The following NCAPH variants were observed in gnomAD, a reference collection of about 807,000 sequenced individuals.
The protein encoded by NCAPH is condensin complex subunit 2.
Under a neutral mutation model 85.5 loss-of-function variants are expected in NCAPH, and 38 were observed. The ratio of observed to expected loss-of-function variants is 0.44; its 90% CI spans 0.34 to 0.58. NCAPH has a LOEUF of 0.58. NCAPH is among the 20% of genes least tolerant of loss of function. The pLI, the probability that NCAPH is intolerant of heterozygous loss-of-function variation, is 0.01. For synonymous variants in NCAPH, 301 were observed against 335.1 expected (o/e 0.90, Z 1.11); for missense variants, 789 against 916.6 (o/e 0.86, Z 1.80).
rs1236669201 is a variant in NCAPH at position 96,344,167 on chromosome 2, C to A, written c.658C>A (p.His220Asn). Residue 220 changes from histidine to asparagine, a missense_variant, in exon 6 of 18, where the codon CAC (histidine) becomes AAC (asparagine). Coordinates refer to ENST00000240423, the MANE Select transcript of NCAPH (RefSeq NM_015341.5). ...KAVKPKKKHL[H>N]RTIEQNINNL... is the part of the protein sequence containing the mutation. ...TGTAAAGCCAAAGAAGAAGCACTTACACAGAACTATTGAGCAGAACATAAA... is the reference window on the plus strand; with the variant it reads ...TGTAAAGCCAAAGAAGAAGCACTTAAACAGAACTATTGAGCAGAACATAAA... 1.4e-5 allele frequency: 22 copies of A among 1,613,710 alleles called. No individual in the cohort carries two copies. Among genetic ancestry groups the A allele is most frequent in the Non-Finnish European group, 1.9e-5 (22 of 1,179,916 alleles).
chr2:96,367,383 T>C lies in NCAPH; in HGVS notation c.1998+10T>C. The C allele has an allele frequency of 6.3e-7, 1 of 1,592,736 alleles. No homozygotes were observed. Among genetic ancestry groups the C allele is most frequent in the Non-Finnish European group, 8.6e-7 (1 of 1,161,160 alleles). On this transcript the variant is annotated intron_variant, in intron 15 of 17. Transcript: ENST00000240423. ...GGAGGCAGATGCAGAGGTCAGATGCTCTTGCCTGTTCTCTAGGTGCCCAGC... is the reference window on the plus strand; with the variant it reads ...GGAGGCAGATGCAGAGGTCAGATGCCCTTGCCTGTTCTCTAGGTGCCCAGC...
intron 7 of NCAPH, 44 bp from the exon 8 acceptor site, chr2:96,353,262 G>C (rs757580442): frequency 6.6e-7 from 1 of 1,512,498 alleles, no homozygotes; most frequent in Non-Finnish European, 9.2e-7. Flanking sequence ...GAATGCACTT[G>C]ACCCCCTTCT....
rs374852184 is a variant in NCAPH, at chr2:96,341,787, T to C, written c.165T>C (p.Phe55=). The C allele has an allele frequency of 1.3e-4, 213 of 1,614,028 alleles. No individual in the cohort carries two copies. The highest frequency in any genetic ancestry group is 1.7e-4 in the Non-Finnish European group (201 of 1,180,026). ...CTGGCACCCCAGTCCTCGAAGACTT[T>C]CCTCAGAATGACGATGAGAAGGAGC... ...NIPGTPVLED[F]PQNDDEKERL... The change falls in exon 2 of 18, where the codon TTT becomes TTC. Residue 55 remains phenylalanine (F), a synonymous_variant. Transcript: ENST00000240423.
intron 5 of NCAPH, 127 bp downstream of exon 5, chr2:96,343,431 T>A (rs2064322355): frequency 8.7e-7 from 1 of 1,153,202 alleles, no homozygotes; most frequent in South Asian, 2.0e-5. Flanking sequence ...AGGGCATTTT[T>A]AGAACCATAT....
intron 10 of NCAPH, among the ~76,000 whole-genome samples, chr2:96,359,794 T>G (rs969446566): frequency 6.6e-6 from 1 of 152,186 alleles, no homozygotes; most frequent in Non-Finnish European, 1.5e-5. Flanking sequence ...CAGTTAATTT[T>G]TAAATTTTCC....
At chr2:96,352,949 G>A (rs2064465758) in intron 7 of NCAPH, among the ~76,000 whole-genome samples, 1 of 152,194 alleles carries the variant, frequency 6.6e-6, no homozygotes, top group Non-Finnish European at 1.5e-5. Context: ...CTATGTACTT[G>A]GTGTATTTTT....
chr2:96,353,112 C>T (rs572037963), intron 7 of NCAPH, among the ~76,000 whole-genome samples, 194 bp from the exon 8 acceptor site: 1 of 152,362 alleles, frequency 6.6e-6, no homozygotes, highest in South Asian at 2.1e-4. Context: ...GCCGACGCAT[C>T]TGCTCGCTCC....
At chr2:96,354,491 T>G in intron 9 of NCAPH, 103 bp downstream of exon 9, 2 of 997,252 alleles carry the variant, frequency 2.0e-6, no homozygotes, top group Non-Finnish European at 1.3e-6. Context: ...TCTTTTTTTT[T>G]CCCCCCCCAA....
rs748147996 is a variant in NCAPH at position 96,342,101 on chromosome 2, G to A, written c.324G>A (p.Thr108=). The change falls in exon 3 of 18, where the codon ACG becomes ACA. Residue 108 remains threonine (T), a synonymous_variant. Transcript: ENST00000240423. ...CCAAGTTTACAAACACGCAGATTAC[G>A]GAACATTACTCCACCTGTATCAAAC... ...TIPKFTNTQI[T]EHYSTCIKLS... is the part of the protein sequence containing the mutation. The A allele has an allele frequency of 2.5e-5, 40 of 1,612,768 alleles. No individual in the cohort carries two copies. Among genetic ancestry groups the A allele is most frequent in the Non-Finnish European group, 3.1e-5 (37 of 1,178,906 alleles).
At chr2:96,364,657 T>G (rs1320634881) in intron 13 of NCAPH, 66 bp downstream of exon 13, 26 of 1,138,746 alleles carry the variant, frequency 2.3e-5, no homozygotes, top group Non-Finnish European at 5.2e-6. Flanking sequence ...CTGCTTCTCA[T>G]GTCCCCATTT....
rs1008835787 is a variant in NCAPH, at chr2:96,335,975, G to T, written c.19+127G>T. On this transcript the variant is annotated intron_variant, in intron 1 of 17. Coordinates refer to ENST00000240423, the MANE Select transcript of NCAPH (RefSeq NM_015341.5). Reference sequence around the variant, plus strand: ...TGCTCAGCTCGGGTCTTGGCCCTGCGGCTGACAGCAGAGGCCGGTGCGGGG... The same window carrying T: ...TGCTCAGCTCGGGTCTTGGCCCTGCTGCTGACAGCAGAGGCCGGTGCGGGG... 1.1e-5 allele frequency: 12 copies of T among 1,056,598 alleles called. No homozygotes were observed. In the African/African-American group the frequency reaches 1.8e-4, roughly 16 times the overall value. The allele number at this position is 1,056,598 out of a possible 1,614,324, so 65.5% of individuals were successfully genotyped here.
chr2:96,351,264 A>G (rs1240993160), intron 6 of NCAPH, among the ~76,000 whole-genome samples: 1 of 152,250 alleles, frequency 6.6e-6, no homozygotes, highest in Non-Finnish European at 1.5e-5. Context: ...TAAAAAAGCC[A>G]TTTGACACAG....
chr2:96,341,597 G>A (rs947452279), intron 1 of NCAPH, 45 bp from the exon 2 acceptor site: 1 of 1,587,186 alleles, frequency 6.3e-7, no homozygotes, highest in Non-Finnish European at 8.6e-7. Flanking sequence ...TTTGGATATA[G>A]GAAATGTTCT....
At chr2:96,337,037 A>AT (rs1247881824) in intron 1 of NCAPH, among the ~76,000 whole-genome samples, 2 of 152,230 alleles carry the variant, frequency 1.3e-5, no homozygotes, top group Admixed American at 6.5e-5. Context: ...GATAGTTCTC[A>AT]TGAAGTTGGA....
intron 17 of NCAPH, among the ~76,000 whole-genome samples, chr2:96,372,701 G>A (rs1211600559): frequency 1.3e-5 from 2 of 152,092 alleles, no homozygotes; most frequent in East Asian, 3.8e-4. Flanking sequence ...TGGTGGTACT[G>A]CAGTGCTTGT....
chr2:96,343,310 T>C lies in NCAPH; in HGVS notation c.595+6T>C. On this transcript the variant is annotated splice_donor_region_variant and intron_variant, in intron 5 of 17. Coordinates refer to ENST00000240423, the MANE Select transcript of NCAPH (RefSeq NM_015341.5). Reference sequence around the variant, plus strand: ...AGTAGAAGGCCATGTTGCTGGTAGGTGGGTAGGGATCTGGATTTAAGTGGC... The same window carrying C: ...AGTAGAAGGCCATGTTGCTGGTAGGCGGGTAGGGATCTGGATTTAAGTGGC... 4 of 1,611,130 alleles carry C rather than the reference T, an allele frequency of 2.5e-6. No homozygotes were observed. Among genetic ancestry groups the C allele is most frequent in the Non-Finnish European group, 3.4e-6 (4 of 1,178,350 alleles).
chr2:96,340,895 C>T (rs1376462466), intron 1 of NCAPH, among the ~76,000 whole-genome samples: 4 of 147,198 alleles, frequency 2.7e-5, no homozygotes, highest in Non-Finnish European at 4.5e-5. Context: ...TTAACTTGTT[C>T]CTTGACCCCT....
In NCAPH at chr2:96,376,033, G is replaced by A. The variant is rs558078083; in HGVS notation, c.*2682G>A. On this transcript the variant is annotated 3_prime_UTR_variant, in exon 18 of 18. Transcript: ENST00000240423. ...TCCTTTGTCAGTTACCCAGTTTCAG[G>A]TATTCTGTTATAGGTAACAGAAAAC... Among the ~76,000 whole-genome samples, 18 of 152,218 alleles carry A rather than the reference G, an allele frequency of 1.2e-4. No homozygotes were observed. Among genetic ancestry groups the A allele is most frequent in the Non-Finnish European group, 1.6e-4 (11 of 68,014 alleles).
At chr2:96,364,390 G>C in intron 12 of NCAPH, 91 bp from the exon 13 acceptor site, 1 of 782,124 alleles carries the variant, frequency 1.3e-6, no homozygotes, top group African/African-American at 1.8e-5. Flanking sequence ...AATTCTAGGA[G>C]GAGATTGGGC....
Sources: gnomAD v4.1 joint callset for allele counts (sites outside exome capture counted in the v4.1 genomes callset) on GRCh38, gnomAD v4.1.1 for gene constraint, MANE v1.5 for transcripts, NCBI Gene and HGNC (gene_info 2026-07-23, HGNC 2026-07-21) for gene names.